B3GALT1: variants seen among roughly 807,000 people sequenced by gnomAD.
B3GALT1 encodes the protein UDP-Gal:betaGlcNAc beta 1,3-galactosyltransferase, polypeptide 1.
Under a neutral mutation model 23.2 loss-of-function variants are expected in B3GALT1, and 10 were observed. The observed-to-expected ratio is 0.43, with a 90% confidence interval of 0.27 to 0.73. The LOEUF is 0.73. Ranked by LOEUF, B3GALT1 falls within the 30% of genes least tolerant of loss-of-function variation. The pLI is 0.21. For synonymous variants in B3GALT1, 156 were observed against 141.5 expected (o/e 1.10, Z -0.73); for missense variants, 299 against 405.4 (o/e 0.74, Z 2.25).
At chr2:167,536,045 T>C (rs187404549) in intron 2 of B3GALT1, among the ~76,000 whole-genome samples, 91 of 152,248 alleles carry the variant, frequency 6.0e-4, no homozygotes, top group African/African-American at 2.1e-3. Context: ...TGCCTCAGCC[T>C]CTTGAATAGC....
intron 1 of B3GALT1, among the ~76,000 whole-genome samples, chr2:167,301,533 A>T (rs1050570843): frequency 6.6e-6 from 1 of 152,024 alleles, no homozygotes; most frequent in Admixed American, 6.6e-5. Flanking sequence ...CCAAGACCAC[A>T]TTCTTTATGT....
chr2:167,457,431 C>G (rs1425600973), intron 1 of B3GALT1, among the ~76,000 whole-genome samples: 3 of 151,830 alleles, frequency 2.0e-5, no homozygotes, highest in African/African-American at 7.3e-5. Context: ...CCTTGGCCTC[C>G]CAAAGTGCCG....
intron 3 of B3GALT1, among the ~76,000 whole-genome samples, chr2:167,711,180 A>G (rs75463147): frequency 0.018 from 2,718 of 152,182 alleles, 68 homozygotes; most frequent in African/African-American, 0.056. Context: ...CAAAGCCTCT[A>G]ATATCTAATC....
intron 2 of B3GALT1, among the ~76,000 whole-genome samples, chr2:167,504,888 T>C (rs1699898201): frequency 6.6e-6 from 1 of 152,162 alleles, no homozygotes; most frequent in African/African-American, 2.4e-5. Context: ...GCAAGTACAC[T>C]CTATGATGTT....
chr2:167,691,440 A>G (rs1159895843), intron 3 of B3GALT1, among the ~76,000 whole-genome samples: 2 of 152,178 alleles, frequency 1.3e-5, no homozygotes, highest in Non-Finnish European at 2.9e-5. Context: ...ATCAAAACAT[A>G]TAATTAAAGG....
intron 4 of B3GALT1, among the ~76,000 whole-genome samples, chr2:167,840,768 A>G (rs1689628087): frequency 6.7e-6 from 1 of 149,400 alleles, no homozygotes; most frequent in South Asian, 2.2e-4. Flanking sequence ...AAAGACTTGG[A>G]ACCAACCCAA....
intron 4 of B3GALT1, among the ~76,000 whole-genome samples, chr2:167,851,245 G>C (rs1466421158): frequency 6.6e-6 from 1 of 151,444 alleles, no homozygotes; most frequent in Non-Finnish European, 1.5e-5. Flanking sequence ...AAATTTACAA[G>C]AATTAAAAAA....
At chr2:167,694,792 G>A (rs544416973) in intron 3 of B3GALT1, among the ~76,000 whole-genome samples, 1 of 152,216 alleles carries the variant, frequency 6.6e-6, no homozygotes, top group South Asian at 2.1e-4. Flanking sequence ...CTTAATGGTG[G>A]TAATGGCAAA....
chr2:167,415,006 A>G (rs1698446533), intron 1 of B3GALT1, among the ~76,000 whole-genome samples: 1 of 152,246 alleles, frequency 6.6e-6, no homozygotes, highest in African/African-American at 2.4e-5. Context: ...TCTTACATGC[A>G]TTATCTCATT....
At position 167,622,740 on chromosome 2, in the gene B3GALT1, A is replaced by G. The variant is rs553760915; in HGVS notation, c.-409-24169A>G. On this transcript the variant is annotated intron_variant, in intron 2 of 4. Coordinates refer to ENST00000392690, the MANE Select transcript of B3GALT1 (RefSeq NM_020981.4). ...ATGAACTAAAAAATTATTTCTATGA[A>G]AAGTTTAATATTCAACATTAAGATA... Among the ~76,000 whole-genome samples, 4 of 152,276 alleles carry G rather than the reference A, an allele frequency of 2.6e-5. No individual in the cohort carries two copies. The South Asian group carries it at 8.3e-4, about 32-fold the overall frequency.
chr2:167,852,373 G>T (rs1689919030), intron 4 of B3GALT1, among the ~76,000 whole-genome samples: 1 of 152,026 alleles, frequency 6.6e-6, no homozygotes, highest in African/African-American at 2.4e-5. Context: ...ATTTCGGAAA[G>T]AATAATTCAA....
chr2:167,712,319 C>T (rs1253692100), intron 3 of B3GALT1, among the ~76,000 whole-genome samples: 3 of 152,052 alleles, frequency 2.0e-5, no homozygotes, highest in Admixed American at 6.6e-5. Context: ...GTAGCCATAC[C>T]TGCCAGATGG....
At chr2:167,784,503 G>A (rs577647336) in intron 3 of B3GALT1, among the ~76,000 whole-genome samples, 14 of 152,282 alleles carry the variant, frequency 9.2e-5, no homozygotes, top group African/African-American at 3.4e-4. Flanking sequence ...TGCCCCTTAA[G>A]CTAAGTATTC....
intron 1 of B3GALT1, among the ~76,000 whole-genome samples, chr2:167,328,186 C>A (rs1308685630): frequency 6.6e-6 from 1 of 152,028 alleles, no homozygotes; most frequent in East Asian, 1.9e-4. Flanking sequence ...GTTTTCTTTT[C>A]CTGTTGTGCC....
intron 1 of B3GALT1, among the ~76,000 whole-genome samples, chr2:167,307,674 C>T (rs1354030437): frequency 6.6e-6 from 1 of 151,798 alleles, no homozygotes; most frequent in Non-Finnish European, 1.5e-5. Flanking sequence ...GTTAAGGAAC[C>T]CATTCTGTTT....
chr2:167,825,455 T>TGTGTGC (rs1425929301), intron 4 of B3GALT1, among the ~76,000 whole-genome samples: 8 of 146,724 alleles, frequency 5.5e-5, no homozygotes, highest in South Asian at 2.2e-4. Flanking sequence ...TGTGTGTGTG[T>TGTGTGC]GCGTGCACGT....
At chr2:167,820,734 A>G (rs912870000) in intron 4 of B3GALT1, among the ~76,000 whole-genome samples, 1 of 152,246 alleles carries the variant, frequency 6.6e-6, no homozygotes, top group African/African-American at 2.4e-5. Flanking sequence ...TATTATTATT[A>G]GGGGCTTTAA....
chr2:167,365,150 G>A (rs1395237376), intron 1 of B3GALT1, among the ~76,000 whole-genome samples: 4 of 152,144 alleles, frequency 2.6e-5, no homozygotes, highest in East Asian at 1.9e-4. Flanking sequence ...AGTTTCCTGG[G>A]TTTCTCAGAA....
At chr2:167,408,003 A>G (rs1329561748) in intron 1 of B3GALT1, among the ~76,000 whole-genome samples, 1 of 149,620 alleles carries the variant, frequency 6.7e-6, no homozygotes, top group African/African-American at 2.5e-5. Context: ...CCTGATAACA[A>G]AAGCAGGCAA....
Sources: gnomAD v4.1 joint callset for allele counts (sites outside exome capture counted in the v4.1 genomes callset) on GRCh38, gnomAD v4.1.1 for gene constraint, MANE v1.5 for transcripts, NCBI Gene and HGNC (gene_info 2026-07-23, HGNC 2026-07-21) for gene names.